Variants in EML5 observed in about 807,000 individuals in gnomAD.
EML5 encodes the protein echinoderm microtubule-associated protein-like 5.
EML5 carries 120 observed loss-of-function variants against 250.0 expected under a neutral mutation model. That is an observed-to-expected ratio of 0.48 (90% CI 0.41 to 0.56). The LOEUF is 0.56. Among genes scored for constraint, EML5 ranks in the 20% least tolerant of loss-of-function variants. The pLI is 0.00. For missense variants in EML5, 2,006 were observed against 2,437.6 expected, an observed-to-expected ratio of 0.82 and a Z score of 3.73; for synonymous variants, 771 against 806.5, an observed-to-expected ratio of 0.96 and a Z score of 0.75.
intron 25 of EML5, among the ~76,000 whole-genome samples, chr14:88,659,617 A>AAAACAT (rs1026332796): frequency 2.6e-5 from 4 of 152,216 alleles, no homozygotes; most frequent in Non-Finnish European, 5.9e-5. Flanking sequence ...CACTAAGGTG[A>AAAACAT]AAACATAATC....
chr14:88,717,287 G>C (rs1004224350), intron 8 of EML5, among the ~76,000 whole-genome samples: 1 of 152,220 alleles, frequency 6.6e-6, no homozygotes, highest in South Asian at 2.1e-4. Context: ...AGTTCAGCTT[G>C]TGACGGCCAC....
chr14:88,627,334 A>C, intron 34 of EML5: 1 of 456,162 alleles, frequency 2.2e-6, no homozygotes, highest in Non-Finnish European at 3.9e-6. Flanking sequence ...AATATACATA[A>C]TTTTCATAAG....
chr14:88,702,360 G>C, intron 14 of EML5, 86 bp downstream of exon 14: 4 of 1,019,354 alleles, frequency 3.9e-6, no homozygotes, highest in Non-Finnish European at 5.4e-6. Context: ...TCATATCCTA[G>C]AACATAAAAG....
At chr14:88,790,684 G>A (rs1445074210) in intron 1 of EML5, among the ~76,000 whole-genome samples, 1 of 152,186 alleles carries the variant, frequency 6.6e-6, no homozygotes, top group African/African-American at 2.4e-5. Flanking sequence ...CAGGGCTTCA[G>A]TTAAGGCTGC....
chr14:88,760,552 C>T (rs1389612682), intron 1 of EML5, among the ~76,000 whole-genome samples: 1 of 152,120 alleles, frequency 6.6e-6, no homozygotes, highest in Non-Finnish European at 1.5e-5. Flanking sequence ...TACCACACTG[C>T]CTTCATGAGT....
chr14:88,665,813 C>T (rs1001812444), intron 21 of EML5, among the ~76,000 whole-genome samples: 6 of 151,804 alleles, frequency 4.0e-5, no homozygotes, highest in Admixed American at 1.3e-4. Context: ...GAAGCTGAGG[C>T]GGGAGGACTG....
intron 22 of EML5, among the ~76,000 whole-genome samples, chr14:88,664,845 A>G (rs1227436824): frequency 1.3e-5 from 2 of 152,184 alleles, no homozygotes; most frequent in Non-Finnish European, 2.9e-5. Context: ...GTGGGAAGCA[A>G]ATGTCAAAAG....
intron 1 of EML5, among the ~76,000 whole-genome samples, chr14:88,763,284 A>G (rs2094273824): frequency 6.6e-6 from 1 of 152,048 alleles, no homozygotes; most frequent in African/African-American, 2.4e-5. Flanking sequence ...GAAAAGAGAG[A>G]AGAATCAAAT....
intron 7 of EML5, among the ~76,000 whole-genome samples, chr14:88,731,870 T>C (rs1292691482): frequency 1.3e-5 from 2 of 152,230 alleles, no homozygotes; most frequent in African/African-American, 4.8e-5. Context: ...ATGTCTTCTT[T>C]TGAGAAGTGT....
Position 88,618,644 on chromosome 14 carries a change from C to T in EML5, c.5538+6G>A, listed in dbSNP as rs2088210328. ...GCCACCTGGGTATACAGTATTGGTA[C>T]TGTACCTGGAGATAACTGCTATCTG... is the stretch of plus-strand genomic sequence containing the variant. On this transcript the variant is annotated splice_donor_region_variant and intron_variant, in intron 40 of 43. Transcript: ENST00000554922. 1 of 1,611,568 alleles carries T rather than the reference C, an allele frequency of 6.2e-7. No homozygotes were observed. The highest frequency in any genetic ancestry group is 8.5e-7 in the Non-Finnish European group (1 of 1,179,016).
At chr14:88,769,040 T>C (rs544429962) in intron 1 of EML5, among the ~76,000 whole-genome samples, 3 of 152,188 alleles carry the variant, frequency 2.0e-5, no homozygotes, top group Non-Finnish European at 4.4e-5. Flanking sequence ...CTTAAATGCA[T>C]AGAGGTCTGA....
chr14:88,704,048 T>C (rs1487308454), intron 13 of EML5, among the ~76,000 whole-genome samples: 1 of 152,198 alleles, frequency 6.6e-6, no homozygotes, highest in Admixed American at 6.5e-5. Flanking sequence ...AGGTACTTGA[T>C]ATGATTCGGA....
chr14:88,792,718 C>T lies in EML5; in HGVS notation c.-215G>A. 2 of 1,096,372 alleles carry T rather than the reference C, an allele frequency of 1.8e-6. No homozygotes were observed. Among genetic ancestry groups the T allele is most frequent in the Non-Finnish European group, 2.2e-6 (2 of 902,594 alleles). The allele number at this position is 1,096,372 out of a possible 1,614,324, so 67.9% of individuals were successfully genotyped here. On this transcript the variant is annotated 5_prime_UTR_variant, in exon 1 of 44. Transcript: ENST00000554922. This position sits in a 1 kb window ranked among gnomAD's most constrained non-coding sequence, Gnocchi z 6.9. ...CTCGCCTCGCGGAACATGCTGAGGG[C>T]CGCGAGCGCCGCCGGCTGTCAAGTG...
intron 8 of EML5, among the ~76,000 whole-genome samples, chr14:88,725,450 C>A (rs908844584): frequency 6.6e-6 from 1 of 151,890 alleles, no homozygotes; most frequent in Non-Finnish European, 1.5e-5. Flanking sequence ...TTAAAGAGTA[C>A]GAAGTTTCAG....
intron 2 of EML5, among the ~76,000 whole-genome samples, chr14:88,748,908 TTGACAGAGCTTCAA>T (rs1217996363): frequency 6.6e-6 from 1 of 151,038 alleles, no homozygotes; most frequent in Non-Finnish European, 1.5e-5. Context: ...AAAAAAAGAA[TTGACAGAGCTTCAA>T]TGACCTGCAG....
chr14:88,775,685 C>T (rs2094440391), intron 1 of EML5, among the ~76,000 whole-genome samples: 1 of 152,204 alleles, frequency 6.6e-6, no homozygotes, highest in Admixed American at 6.5e-5. Flanking sequence ...CCTGGGGGAA[C>T]TCACAGCGCT....
At chr14:88,705,843 A>T in intron 11 of EML5, 1 of 616,034 alleles carries the variant, frequency 1.6e-6, no homozygotes, top group Non-Finnish European at 3.0e-6. Context: ...CATCAAATTT[A>T]AATGTCTGTG....
At chr14:88,615,986 T>A in intron 43 of EML5, 132 bp from the exon 44 acceptor site, 1 of 1,271,494 alleles carries the variant, frequency 7.9e-7, no homozygotes, top group Non-Finnish European at 1.1e-6. Context: ...TATTCTGTAT[T>A]TGCATAAATA....
rs755245411 is a variant in EML5, at chr14:88,626,884, A to T, written c.4694T>A (p.Leu1565Gln). 3.6e-5 allele frequency: 58 copies of T among 1,613,906 alleles called. No individual in the cohort carries two copies. The highest frequency in any genetic ancestry group is 4.8e-5 in the Non-Finnish European group (57 of 1,179,886). Residue 1565 changes from leucine to glutamine, a missense_variant, in exon 35 of 44, where the codon CTG becomes CAG. Leu to Gln is a moderately radical substitution (Grantham distance 113). Transcript: ENST00000554922. ...CATGGTCTGCATCCGGGCATCTTCC[A>T]GTGTGCTCAGTAGCCCTTTTTTGCT... ...LLSKKGLLST[L>Q]EDARMQTMLA...
Sources: gnomAD v4.1 joint callset for allele counts (sites outside exome capture counted in the v4.1 genomes callset) on GRCh38, gnomAD v4.1.1 for gene constraint, Gnocchi (gnomAD v3.1) non-coding constraint, MANE v1.5 for transcripts, NCBI Gene and HGNC (gene_info 2026-07-23, HGNC 2026-07-21) for gene names.